The following AFAP1L2 variants were observed in gnomAD, a reference collection of about 807,000 sequenced individuals.
AFAP1L2 encodes the protein actin filament associated protein 1 like 2.
A neutral mutation model predicts 99.3 loss-of-function variants in AFAP1L2; 46 were observed. The ratio of observed to expected loss-of-function variants is 0.46; its 90% CI spans 0.37 to 0.59. The LOEUF is 0.59. Ranked by LOEUF, AFAP1L2 falls within the 20% of genes least tolerant of loss-of-function variation. The pLI is 0.00. For missense variants in AFAP1L2, 959 were observed against 1,034.9 expected (o/e 0.93, Z 1.01); for synonymous variants, 397 against 419.1 (o/e 0.95, Z 0.64).
chr10:114,311,946 C>T (rs2043308008), intron 7 of AFAP1L2, among the ~76,000 whole-genome samples: 2 of 152,238 alleles, frequency 1.3e-5, no homozygotes, highest in Admixed American at 1.3e-4. Context: ...GACCAGCCCC[C>T]ACTGCCAAAG....
the AFAP1L2 span, chr10:114,289,493 A>G: frequency 1.2e-6 from 2 of 1,613,992 alleles, no homozygotes; most frequent in Middle Eastern, 1.6e-4. Context: ...TGTGGAGGTG[A>G]GTGGGGGAAT....
At chr10:114,350,995 C>T (rs763441258) in intron 1 of AFAP1L2, among the ~76,000 whole-genome samples, 1 of 152,066 alleles carries the variant, frequency 6.6e-6, no homozygotes, top group Non-Finnish European at 1.5e-5. Context: ...TCAGAGCCAG[C>T]GGGGGCCAGT....
Position 114,313,926 on chromosome 10 carries a change from G to A in AFAP1L2, c.737C>T (p.Ala246Val). The A allele has an allele frequency of 6.2e-7, 1 of 1,613,890 alleles. No individual in the cohort carries two copies. The highest frequency in any genetic ancestry group is 1.1e-5 in the South Asian group (1 of 91,040). The change falls in exon 7 of 19, where the codon GCC becomes GTC. Residue 246 changes from alanine to valine, a missense_variant. Around this residue, in one of 2 missense-constraint regions of AFAP1L2, gnomAD observed 383 missense variants for 472.8 expected, o/e 0.81. Transcript: ENST00000304129. Reference sequence around the variant, plus strand: ...CTGCAGGCCCAGCACAATCACATCGGCATTCATCGGCGTGATCTTCAGCTT... The same window carrying A: ...CTGCAGGCCCAGCACAATCACATCGACATTCATCGGCGTGATCTTCAGCTT... The part of the protein sequence containing the change: ...EHKLKITPMN[A>V]DVIVLGLQSK...
chr10:114,284,131 A>C, the AFAP1L2 span, among the ~76,000 whole-genome samples: 1 of 152,258 alleles, frequency 6.6e-6, no homozygotes, highest in Non-Finnish European at 1.5e-5. Context: ...AGGGAATCAT[A>C]GATCAGACGC....
intron 1 of AFAP1L2, among the ~76,000 whole-genome samples, chr10:114,368,286 G>T (rs1167692303): frequency 6.6e-6 from 1 of 152,184 alleles, no homozygotes; most frequent in African/African-American, 2.4e-5. Context: ...GTTGCTGGGG[G>T]TGGGGGAAAT....
chr10:114,362,768 C>T (rs543707310), intron 1 of AFAP1L2, among the ~76,000 whole-genome samples: 79 of 152,262 alleles, frequency 5.2e-4, no homozygotes, highest in African/African-American at 1.7e-3. Flanking sequence ...CAAAGAGCCC[C>T]TGTAAGGAAC....
chr10:114,291,146 C>T, downstream of AFAP1L2: 1 of 1,535,602 alleles, frequency 6.5e-7, no homozygotes, highest in Non-Finnish European at 8.8e-7. Context: ...CTGAAGGGGT[C>T]CTCAGAGGCT....
Position 114,296,034 on chromosome 10 carries a change from C to A in AFAP1L2, c.*8G>T. 1.9e-6 allele frequency: 3 copies of A among 1,614,110 alleles called. No individual in the cohort carries two copies. The highest frequency in any genetic ancestry group is 2.5e-6 in the Non-Finnish European group (3 of 1,179,974). On this transcript the variant is annotated 3_prime_UTR_variant, in exon 19 of 19. Transcript: ENST00000304129. Reference sequence around the variant, plus strand: ...TTGACATGAGAGTCTTTAGATGAAGCTTGTTTTCTAACTTGCTCCTTTCTT... The same window carrying A: ...TTGACATGAGAGTCTTTAGATGAAGATTGTTTTCTAACTTGCTCCTTTCTT...
chr10:114,315,912 C>G (rs1369343355), intron 5 of AFAP1L2, 147 bp from the exon 6 acceptor site: 5 of 789,044 alleles, frequency 6.3e-6, no homozygotes, highest in Non-Finnish European at 6.0e-6. Context: ...CCACAGCCAG[C>G]AGCCAGATCC....
intron 1 of AFAP1L2, among the ~76,000 whole-genome samples, chr10:114,352,740 C>T (rs1350667810): frequency 6.6e-6 from 1 of 152,250 alleles, no homozygotes; most frequent in South Asian, 2.1e-4. Context: ...CAGCTCCATG[C>T]TATGATTTGA....
chr10:114,396,534 G>A (rs1462703072), intron 1 of AFAP1L2, among the ~76,000 whole-genome samples: 1 of 152,146 alleles, frequency 6.6e-6, no homozygotes, highest in Non-Finnish European at 1.5e-5. Context: ...TAAATCATGG[G>A]TTCTTCCCCT....
chr10:114,372,923 G>A (rs2054310935), intron 1 of AFAP1L2, among the ~76,000 whole-genome samples: 1 of 152,212 alleles, frequency 6.6e-6, no homozygotes, highest in Non-Finnish European at 1.5e-5. Flanking sequence ...ACTTGCTAAT[G>A]TGCCTTGGAG....
chr10:114,318,137 G>A (rs2044442956), intron 5 of AFAP1L2, among the ~76,000 whole-genome samples: 1 of 152,202 alleles, frequency 6.6e-6, no homozygotes, highest in Non-Finnish European at 1.5e-5. Context: ...GATTTGATGG[G>A]TAGTAGGATC....
At position 114,297,258 on chromosome 10, in the gene AFAP1L2, T is replaced by C. The variant is rs747793424; in HGVS notation, c.2269A>G (p.Thr757Ala). The change falls in exon 17 of 19, where the codon ACC becomes GCC. Residue 757 changes from threonine (T) to alanine (A), a missense_variant. Thr to Ala is a moderately conservative substitution (Grantham distance 58). Transcript: ENST00000304129. ...AEAGPVTLGT[T>A]VDTTHLENVS... is the part of the protein sequence containing the mutation. ...TTCTCCAGGTGGGTGGTGTCCACGG[T>C]GGTGCCTAACGTCACAGGCCCTGCC... 5 of 1,607,684 alleles carry C rather than the reference T, an allele frequency of 3.1e-6. No individual in the cohort carries two copies. In the East Asian group the frequency reaches 9.0e-5, roughly 29 times the overall value.
At chr10:114,325,636 C>T (rs1187923157) in intron 4 of AFAP1L2, among the ~76,000 whole-genome samples, 1 of 152,232 alleles carries the variant, frequency 6.6e-6, no homozygotes. Context: ...CCAGGTTGCA[C>T]ACCTCTGCCC....
chr10:114,328,378 G>A (rs936137170), intron 4 of AFAP1L2, among the ~76,000 whole-genome samples: 7 of 152,210 alleles, frequency 4.6e-5, no homozygotes, highest in Non-Finnish European at 7.3e-5. Context: ...TGCAGGTGCC[G>A]GTGAGCCCAG....
In AFAP1L2 at chr10:114,404,486, G is replaced by C. The variant is rs1589561491; in HGVS notation, c.-31C>G. ...CCACGGAGTGCGCTCCTCGCGGCTC[G>C]GCTTCTGCGCTGCTCTCCCGGCGCT... On this transcript the variant is annotated 5_prime_UTR_variant, in exon 1 of 19. Coordinates refer to ENST00000304129, the MANE Select transcript of AFAP1L2 (RefSeq NM_001001936.3). The C allele has an allele frequency of 2.6e-6, 4 of 1,534,202 alleles. No individual in the cohort carries two copies. The highest frequency in any genetic ancestry group is 2.8e-5 in the African/African-American group (2 of 71,628).
chr10:114,306,626 G>A (rs1036238996), intron 10 of AFAP1L2, among the ~76,000 whole-genome samples: 1 of 152,006 alleles, frequency 6.6e-6, no homozygotes, highest in Non-Finnish European at 1.5e-5. Flanking sequence ...GACCAGGACT[G>A]AGATGACACA....
At chr10:114,404,585 C>A, upstream of AFAP1L2, 1 of 1,310,250 alleles carries the variant, frequency 7.6e-7, no homozygotes. Context: ...CCTGGCGGGG[C>A]CGCCGCGCCC....
Sources: allele counts gnomAD v4.1 joint callset (sites outside exome capture counted in the v4.1 genomes callset), GRCh38; gene constraint gnomAD v4.1.1; regional missense constraint gnomAD v4.1.1; transcripts MANE v1.5; gene names NCBI Gene and HGNC (gene_info 2026-07-23, HGNC 2026-07-21).